Variants in FGD5 observed in about 807,000 individuals in gnomAD.
FGD5 encodes the protein FYVE, RhoGEF and PH domain-containing protein 5.
FGD5 carries 28 observed loss-of-function variants against 133.4 expected under a neutral mutation model. That is an observed-to-expected ratio of 0.21 (90% CI 0.16 to 0.29). FGD5 has a LOEUF of 0.29. Among genes scored for constraint, FGD5 ranks in the 10% least tolerant of loss-of-function variants. FGD5 has a pLI of 1.00. For missense variants in FGD5, 1,858 were observed against 1,895.2 expected (o/e 0.98, Z 0.36); for synonymous variants, 810 against 776.5 (o/e 1.04, Z -0.72).
intron 13 of FGD5, among the ~76,000 whole-genome samples, chr3:14,920,870 A>G (rs2038666441): frequency 1.3e-5 from 2 of 152,206 alleles, no homozygotes; most frequent in Admixed American, 6.5e-5. Context: ...GAGGGAGTAG[A>G]AAAGGGCTTG....
At chr3:14,927,844 GC>G (rs1041834587) in intron 18 of FGD5, among the ~76,000 whole-genome samples, 2 of 151,940 alleles carry the variant, frequency 1.3e-5, no homozygotes, top group Non-Finnish European at 2.9e-5. Flanking sequence ...GTTCACTGCA[GC>G]TTTGAACTCC....
intron 1 of FGD5, among the ~76,000 whole-genome samples, chr3:14,832,205 A>G (rs1355264888): frequency 1.3e-5 from 2 of 152,180 alleles, no homozygotes; most frequent in Non-Finnish European, 2.9e-5. Flanking sequence ...TCAGGTCTTC[A>G]AAAAGAATAT....
chr3:14,871,595 G>T (rs1416990150), intron 2 of FGD5, among the ~76,000 whole-genome samples: 1 of 152,136 alleles, frequency 6.6e-6, no homozygotes, highest in Non-Finnish European at 1.5e-5. Flanking sequence ...GGAGAGGGAG[G>T]GAGGCAGACA....
intron 4 of FGD5, among the ~76,000 whole-genome samples, chr3:14,891,774 A>G (rs2038032465): frequency 6.6e-6 from 1 of 152,182 alleles, no homozygotes; most frequent in South Asian, 2.1e-4. Context: ...CTGATGGCGC[A>G]GGCACACGCC....
chr3:14,864,171 GC>G lies in FGD5; in HGVS notation c.2574del (p.Glu860ArgfsTer55). ...PYKVCPISSA[A>X]PKEDLTSDEE... ...CAAAGTCTGTCCCATCTCGTCGGCAGCCCCCAAAGAGGACCTTACGTCGGAT... is the reference window on the plus strand; with the variant it reads ...CAAAGTCTGTCCCATCTCGTCGGCAGCCCCAAAGAGGACCTTACGTCGGAT... On this transcript the variant is annotated frameshift_variant, in exon 2 of 20. Transcript: ENST00000285046. LOFTEE classifies it high-confidence loss of function. 6.2e-7 allele frequency: 1 copy of G among 1,614,026 alleles called. No homozygotes were observed. Among genetic ancestry groups the G allele is most frequent in the Non-Finnish European group, 8.5e-7 (1 of 1,179,892 alleles).
intron 9 of FGD5, among the ~76,000 whole-genome samples, chr3:14,902,206 T>C (rs2038252605): frequency 6.7e-6 from 1 of 149,684 alleles, no homozygotes; most frequent in South Asian, 2.1e-4. Flanking sequence ...CGCTTGAACC[T>C]GGGAGGCGAA....
chr3:14,913,394 G>A (rs567056436), intron 11 of FGD5, among the ~76,000 whole-genome samples: 4 of 152,280 alleles, frequency 2.6e-5, no homozygotes, highest in African/African-American at 9.6e-5. Flanking sequence ...CAGCCCTGCA[G>A]GGAGTTGGGT....
At chr3:14,818,389 A>G (rs528687078), upstream of FGD5, among the ~76,000 whole-genome samples, 4 of 152,290 alleles carry the variant, frequency 2.6e-5, no homozygotes, top group Non-Finnish European at 4.4e-5. Context: ...ATTCAGTCAT[A>G]ATATTCCAAG....
At chr3:14,828,166 G>A (rs922343115) in intron 1 of FGD5, among the ~76,000 whole-genome samples, 2 of 152,134 alleles carry the variant, frequency 1.3e-5, no homozygotes, top group Non-Finnish European at 1.5e-5. Context: ...ACCACTGCTG[G>A]CCTCAGTGGA....
intron 4 of FGD5, among the ~76,000 whole-genome samples, chr3:14,881,450 G>A (rs2037823005): frequency 6.6e-6 from 1 of 152,208 alleles, no homozygotes; most frequent in African/African-American, 2.4e-5. Flanking sequence ...TTCCCCAGGA[G>A]CTGTCTGGCC....
rs2038513302 is a variant in FGD5 at position 14,914,455 on chromosome 3, G to A, written c.3406-2794G>A. Among the ~76,000 whole-genome samples, 3 of 152,328 alleles carry A rather than the reference G, an allele frequency of 2.0e-5. No homozygotes were observed. In the South Asian group the frequency reaches 6.2e-4, roughly 32 times the overall value. ...AAAGCATATACTTTGAAGCAGGCAG[G>A]AGAGCCATGGGCAAATTAGGACGTA... is the stretch of plus-strand genomic sequence containing the variant. On this transcript the variant is annotated intron_variant, in intron 11 of 19. Coordinates refer to ENST00000285046, the MANE Select transcript of FGD5 (RefSeq NM_152536.4).
At chr3:14,891,832 A>G (rs1018906942) in intron 4 of FGD5, among the ~76,000 whole-genome samples, 7 of 152,188 alleles carry the variant, frequency 4.6e-5, no homozygotes, top group African/African-American at 1.2e-4. Context: ...CTCAGTCTCT[A>G]CATCTCACCC....
In FGD5 at chr3:14,864,214, C is replaced by T. The variant is rs771409398; in HGVS notation, c.2612C>T (p.Ser871Leu). The change falls in exon 2 of 20, where the codon TCG becomes TTG. Residue 871 changes from serine to leucine, a missense_variant. Physicochemically the swap from Ser to Leu is moderately radical, Grantham distance 145 (BLOSUM62 -2). Transcript: ENST00000285046. Reference sequence around the variant, plus strand: ...ACGTCGGATGAAGAGCAGAGAAGCTCGGAGGAGGAGGACAGTGCTTCAAGA... The same window carrying T: ...ACGTCGGATGAAGAGCAGAGAAGCTTGGAGGAGGAGGACAGTGCTTCAAGA... ...DLTSDEEQRS[S>L]EEEDSASRDP... 32 of 1,613,984 alleles carry T rather than the reference C, an allele frequency of 2.0e-5. No individual in the cohort carries two copies. The highest frequency in any genetic ancestry group is 1.4e-4 in the South Asian group (13 of 91,074).
At chr3:14,836,167 G>A (rs1245035872) in intron 1 of FGD5, among the ~76,000 whole-genome samples, 1 of 152,230 alleles carries the variant, frequency 6.6e-6, no homozygotes, top group Admixed American at 6.5e-5. Flanking sequence ...CTGGGTCAGG[G>A]TGTGGCAGGC....
chr3:14,856,793 A>C (rs1409807759), intron 1 of FGD5, among the ~76,000 whole-genome samples: 1 of 152,140 alleles, frequency 6.6e-6, no homozygotes, highest in Non-Finnish European at 1.5e-5. Context: ...TAGAATATTT[A>C]GGGTTTTCTA....
In FGD5 at chr3:14,900,995, C is replaced by A; in HGVS notation, c.3206-8C>A. 3.7e-6 allele frequency: 6 copies of A among 1,614,018 alleles called. No homozygotes were observed. The highest frequency in any genetic ancestry group is 5.1e-6 in the Non-Finnish European group (6 of 1,179,866). ...ATGGCCCAACTCCTGCTCTGTGTCC[C>A]TCCCCAGGTGCACTGAGCCTCATCT... On this transcript the variant is annotated splice_polypyrimidine_tract_variant and splice_region_variant and intron_variant, in intron 8 of 19. Coordinates refer to ENST00000285046, the MANE Select transcript of FGD5 (RefSeq NM_152536.4).
intron 2 of FGD5, among the ~76,000 whole-genome samples, chr3:14,875,545 C>T (rs2037701045): frequency 6.6e-6 from 1 of 152,150 alleles, no homozygotes; most frequent in South Asian, 2.1e-4. Context: ...CTGGGAACAG[C>T]CCTGAGCTGA....
At chr3:14,816,807 C>T (rs561905676), upstream of FGD5, among the ~76,000 whole-genome samples, 1 of 152,156 alleles carries the variant, frequency 6.6e-6, no homozygotes, top group Non-Finnish European at 1.5e-5. Context: ...CAGTGGCTGG[C>T]CTGGGCATTG....
chr3:14,839,454 G>A (rs942542103), intron 1 of FGD5, among the ~76,000 whole-genome samples: 7 of 152,164 alleles, frequency 4.6e-5, no homozygotes, highest in Admixed American at 1.3e-4. Context: ...CCTTTGGAAT[G>A]ACTCTCACCT....
Sources: allele counts gnomAD v4.1 joint callset (sites outside exome capture counted in the v4.1 genomes callset), GRCh38; gene constraint gnomAD v4.1.1; transcripts MANE v1.5; gene names NCBI Gene and HGNC (gene_info 2026-07-23, HGNC 2026-07-21).